Variants in TPRG1 observed in about 807,000 individuals in gnomAD.
TPRG1 encodes the protein tumor protein p63-regulated gene 1 protein.
A neutral mutation model predicts 29.3 loss-of-function variants in TPRG1; 29 were observed. The ratio of observed to expected loss-of-function variants is 0.99; its 90% confidence interval spans 0.74 to 1.35. The LOEUF (loss-of-function observed/expected upper bound fraction) is 1.35. Among genes scored for constraint, TPRG1 ranks in the 40% most tolerant of loss-of-function variants. The pLI, the probability that TPRG1 is intolerant of heterozygous loss-of-function variation, is 0.00. For missense variants in TPRG1, 327 were observed against 335.0 expected, an observed-to-expected ratio of 0.98 and a Z score of 0.19; for synonymous variants, 130 against 116.8, an observed-to-expected ratio of 1.11 and a Z score of -0.73.
chr3:189,166,918 C>T (rs1186176089), intron 5 of TPRG1, among the ~76,000 whole-genome samples: 11 of 152,124 alleles, frequency 7.2e-5, no homozygotes, highest in Non-Finnish European at 1.3e-4. Context: ...GGGTGGGACT[C>T]TTATTTGTGT....
At chr3:189,213,193 A>AAAAAT (rs1553923656) in intron 2 of TPRG1, among the ~76,000 whole-genome samples, 1 of 151,244 alleles carries the variant, frequency 6.6e-6, no homozygotes, top group African/African-American at 2.4e-5. Context: ...TTTTATATGT[A>AAAAAT]ATAATATATA....
intron 3 of TPRG1, among the ~76,000 whole-genome samples, chr3:189,234,841 A>T (rs1430056927): frequency 6.6e-6 from 1 of 152,224 alleles, no homozygotes; most frequent in East Asian, 1.9e-4. Context: ...TAAGTGGGAA[A>T]TATGTGTGGT....
At chr3:189,057,646 A>T (rs1490428487) in intron 4 of TPRG1, among the ~76,000 whole-genome samples, 1 of 151,330 alleles carries the variant, frequency 6.6e-6, no homozygotes, top group Non-Finnish European at 1.5e-5. Context: ...TGAAACAAAA[A>T]CATGGAATAA....
chr3:189,261,902 A>G lies in TPRG1; in HGVS notation c.479+22993A>G, dbSNP rs527806912. On this transcript the variant is annotated intron_variant, in intron 4 of 5. Transcript: ENST00000345063. ...AAGTCTCCCAGTTGTCTGGGCCCCA[A>G]CTGTTGGGAAAATATGGTGAAAGTT... 5.3e-4 allele frequency among the ~76,000 whole-genome samples: 80 copies of G among 152,256 alleles called. 1 individual carries two copies. In the South Asian group the frequency reaches 0.016, roughly 30 times the overall value.
At chr3:189,002,010 G>A (rs944205003) in intron 2 of TPRG1, among the ~76,000 whole-genome samples, 12 of 152,224 alleles carry the variant, frequency 7.9e-5, no homozygotes, top group East Asian at 1.9e-4. Flanking sequence ...GGAACTTAGC[G>A]GGCAGAGCCC....
intron 3 of TPRG1, among the ~76,000 whole-genome samples, chr3:189,229,448 A>G (rs1738296002): frequency 1.3e-5 from 2 of 152,162 alleles, no homozygotes; most frequent in Admixed American, 1.3e-4. Flanking sequence ...CCAAAGGGAG[A>G]GCTTAAAGAA....
chr3:189,119,902 G>A (rs1403459301), intron 1 of TPRG1, among the ~76,000 whole-genome samples: 1 of 152,180 alleles, frequency 6.6e-6, no homozygotes, highest in Non-Finnish European at 1.5e-5. Context: ...GTCCACCGGA[G>A]CGCCTCTGGC....
At chr3:189,168,685 T>C (rs552559457), upstream of TPRG1, among the ~76,000 whole-genome samples, 1 of 152,344 alleles carries the variant, frequency 6.6e-6, no homozygotes, top group South Asian at 2.1e-4. Context: ...TATTGCTTAG[T>C]ACCTGTTCAC....
At chr3:189,311,100 A>G (rs1333873878) in intron 5 of TPRG1, among the ~76,000 whole-genome samples, 1 of 152,204 alleles carries the variant, frequency 6.6e-6, no homozygotes, top group Admixed American at 6.5e-5. Context: ...CATCAAGCAG[A>G]TATTAGACTT....
chr3:189,073,790 C>T (rs962369607), intron 4 of TPRG1, among the ~76,000 whole-genome samples: 1 of 151,916 alleles, frequency 6.6e-6, no homozygotes, highest in African/African-American at 2.4e-5. Flanking sequence ...TTTTTTTCTT[C>T]TTTCTCATGC....
chr3:189,086,389 T>TTCCCAGGC (rs1717940732), intron 4 of TPRG1, among the ~76,000 whole-genome samples: 1 of 151,846 alleles, frequency 6.6e-6, no homozygotes, highest in Admixed American at 6.6e-5. Context: ...CTCACTCTCT[T>TTCCCAGGC]TCCCAGGCTC....
chr3:189,155,357 T>C (rs1726524554), intron 5 of TPRG1, among the ~76,000 whole-genome samples: 1 of 152,250 alleles, frequency 6.6e-6, no homozygotes, highest in Admixed American at 6.5e-5. Context: ...AATAATATTT[T>C]TGCTATGTTG....
In TPRG1 at chr3:189,191,060, G is replaced by T; in HGVS notation, c.-9-16316G>T. The T allele has an allele frequency of 3.7e-6, 3 of 800,992 alleles. No individual in the cohort carries two copies. In the South Asian group the frequency reaches 1.7e-4, roughly 46 times the overall value. The allele number at this position is 800,992 out of a possible 1,614,324, so 49.6% of individuals were successfully genotyped here. ...TTTGGTCATTGCTTATTCAGTAGTT[G>T]TAGCAGTTCACACGTAAATATACAT... On this transcript the variant is annotated intron_variant, in intron 1 of 5. Transcript: ENST00000345063.
At chr3:189,183,881 C>T (rs1402789374) in intron 1 of TPRG1, among the ~76,000 whole-genome samples, 7 of 151,140 alleles carry the variant, frequency 4.6e-5, no homozygotes, top group Admixed American at 2.7e-4. Flanking sequence ...ACATCCTCCT[C>T]GGCTTACGAG....
chr3:189,079,391 C>G (rs954528450), intron 4 of TPRG1, among the ~76,000 whole-genome samples: 3 of 152,200 alleles, frequency 2.0e-5, no homozygotes, highest in African/African-American at 7.2e-5. Context: ...CACTTGCTTA[C>G]TTGATTGTTA....
At chr3:189,219,535 A>T (rs1474203593) in intron 3 of TPRG1, 24 of 1,133,466 alleles carry the variant, frequency 2.1e-5, no homozygotes, top group East Asian at 6.2e-5. Flanking sequence ...AAAAAAAAAG[A>T]TTATTTTAAA....
intron 3 of TPRG1, among the ~76,000 whole-genome samples, chr3:189,147,109 G>C (rs1167187956): frequency 6.6e-6 from 1 of 152,190 alleles, no homozygotes; most frequent in Non-Finnish European, 1.5e-5. Context: ...TTGAACCCCG[G>C]TCTGTTTGAC....
At chr3:189,316,126 T>G (rs1723483562) in intron 5 of TPRG1, among the ~76,000 whole-genome samples, 1 of 152,210 alleles carries the variant, frequency 6.6e-6, no homozygotes, top group Admixed American at 6.5e-5. Context: ...TGCACATATG[T>G]GCATATGTTC....
chr3:189,011,976 T>C, intron 3 of TPRG1, among the ~76,000 whole-genome samples: 1 of 152,334 alleles, frequency 6.6e-6, no homozygotes, highest in East Asian at 1.9e-4. Context: ...TTTTGCACAG[T>C]GATTTTGTAT....
Sources: allele counts gnomAD v4.1 joint callset (sites outside exome capture counted in the v4.1 genomes callset), GRCh38; gene constraint gnomAD v4.1.1; transcripts MANE v1.5; gene names NCBI Gene and HGNC (gene_info 2026-07-23, HGNC 2026-07-21).